PDGFC: variants seen among roughly 807,000 people sequenced by gnomAD.
PDGFC encodes platelet-derived growth factor C.
In PDGFC, 12 loss-of-function variants were observed where a neutral mutation model predicts 35.5. The observed-to-expected ratio is 0.34, with a 90% CI of 0.22 to 0.55. The LOEUF (loss-of-function observed/expected upper bound fraction) is 0.55, where lower values mean the gene tolerates loss of function less well. PDGFC is among the 20% of genes least tolerant of loss of function. The pLI, the probability that PDGFC is intolerant of heterozygous loss-of-function variation, is 0.91. For missense variants in PDGFC, 322 were observed against 412.4 expected (o/e 0.78, Z 1.90); for synonymous variants, 159 against 148.8 (o/e 1.07, Z -0.50).
chr4:156,821,035 T>TC (rs1488405784), intron 2 of PDGFC, among the ~76,000 whole-genome samples: 1 of 152,096 alleles, frequency 6.6e-6, no homozygotes, highest in African/African-American at 2.4e-5. Flanking sequence ...AATAATAGAT[T>TC]CCCATGAGAA....
At chr4:156,898,579 AT>A (rs1730690040) in intron 1 of PDGFC, among the ~76,000 whole-genome samples, 1 of 152,116 alleles carries the variant, frequency 6.6e-6, no homozygotes, top group Non-Finnish European at 1.5e-5. Context: ...AGGAAGAGGC[AT>A]TTGTCCTCTT....
intron 2 of PDGFC, among the ~76,000 whole-genome samples, chr4:156,815,618 C>G (rs2110959878): frequency 6.6e-6 from 1 of 152,088 alleles, no homozygotes; most frequent in South Asian, 2.1e-4. Flanking sequence ...TATCTGTGGG[C>G]CATAGCCAAA....
At chr4:156,882,176 T>A (rs1296366517) in intron 1 of PDGFC, among the ~76,000 whole-genome samples, 6 of 152,144 alleles carry the variant, frequency 3.9e-5, no homozygotes, top group African/African-American at 1.4e-4. Context: ...ACTAAAACAA[T>A]ACATTGTTAA....
intron 2 of PDGFC, among the ~76,000 whole-genome samples, chr4:156,818,201 T>A (rs866815859): frequency 5.3e-5 from 8 of 150,950 alleles, no homozygotes; most frequent in South Asian, 2.1e-4. Flanking sequence ...CAAATATAAT[T>A]TGATTAAAAG....
chr4:156,959,463 T>C (rs538148061), intron 1 of PDGFC, among the ~76,000 whole-genome samples: 1 of 152,096 alleles, frequency 6.6e-6, no homozygotes, highest in African/African-American at 2.4e-5. Flanking sequence ...CCCTTTATTT[T>C]GTTTAAGAGT....
chr4:156,834,749 T>C (rs1729022580), intron 2 of PDGFC, among the ~76,000 whole-genome samples: 1 of 152,160 alleles, frequency 6.6e-6, no homozygotes, highest in Non-Finnish European at 1.5e-5. Context: ...GAGGAATAAC[T>C]GTTTTTGGGG....
At chr4:156,929,481 TA>T (rs1275436259) in intron 1 of PDGFC, among the ~76,000 whole-genome samples, 9 of 143,014 alleles carry the variant, frequency 6.3e-5, no homozygotes, top group Admixed American at 5.5e-4. Flanking sequence ...AAAAGGCCAA[TA>T]AAAAAAACAG....
At chr4:156,869,392 C>A (rs926597117) in intron 1 of PDGFC, among the ~76,000 whole-genome samples, 1 of 151,676 alleles carries the variant, frequency 6.6e-6, no homozygotes, top group Admixed American at 6.6e-5. Context: ...GCCCAGATTG[C>A]GCCACTGCAC....
At chr4:156,773,923 G>A (rs1416226380) in intron 3 of PDGFC, among the ~76,000 whole-genome samples, 2 of 152,040 alleles carry the variant, frequency 1.3e-5, no homozygotes, top group East Asian at 1.9e-4. Context: ...CTAACACATC[G>A]GCTCTTCCTT....
In PDGFC at chr4:156,762,925, A is replaced by C; in HGVS notation, c.*165T>G. Reference sequence around the variant, plus strand: ...CAAAAGAGCTGTTGCACAACTCCTAATTCTGTTTGATGTCTCCTCTTTCAG... The same window carrying C: ...CAAAAGAGCTGTTGCACAACTCCTACTTCTGTTTGATGTCTCCTCTTTCAG... On this transcript the variant is annotated 3_prime_UTR_variant, in exon 6 of 6. Coordinates refer to ENST00000502773, the MANE Select transcript of PDGFC (RefSeq NM_016205.3). 5.4e-6 allele frequency: 3 copies of C among 552,266 alleles called. No individual in the cohort carries two copies. The highest frequency in any genetic ancestry group is 9.9e-6 in the Non-Finnish European group (3 of 303,614). The allele number at this position is 552,266 out of a possible 1,614,324, so 34.2% of individuals were successfully genotyped here.
chr4:156,777,760 A>G (rs1183178656), intron 3 of PDGFC, among the ~76,000 whole-genome samples: 1 of 152,184 alleles, frequency 6.6e-6, no homozygotes, highest in Non-Finnish European at 1.5e-5. Context: ...ACAAAGGATA[A>G]TATTACACCA....
At chr4:156,821,035 T>G (rs1732238630) in intron 2 of PDGFC, among the ~76,000 whole-genome samples, 1 of 152,096 alleles carries the variant, frequency 6.6e-6, no homozygotes, top group Non-Finnish European at 1.5e-5. Context: ...AATAATAGAT[T>G]CCCATGAGAA....
intron 2 of PDGFC, among the ~76,000 whole-genome samples, chr4:156,816,097 A>G (rs1259033283): frequency 6.6e-6 from 1 of 152,188 alleles, no homozygotes; most frequent in Non-Finnish European, 1.5e-5. Flanking sequence ...TTCATTAGTA[A>G]ACATAATTGT....
At chr4:156,924,385 C>T (rs1440260259) in intron 1 of PDGFC, among the ~76,000 whole-genome samples, 2 of 151,954 alleles carry the variant, frequency 1.3e-5, no homozygotes, top group African/African-American at 4.8e-5. Flanking sequence ...AGAAAAATAC[C>T]CTGCTTTCCT....
intron 2 of PDGFC, among the ~76,000 whole-genome samples, chr4:156,827,109 A>T (rs1728783530): frequency 6.6e-6 from 1 of 152,194 alleles, no homozygotes; most frequent in African/African-American, 2.4e-5. Flanking sequence ...TTCATTATTC[A>T]AAATTTGCCT....
chr4:156,855,202 G>T (rs959534705), intron 1 of PDGFC, among the ~76,000 whole-genome samples: 1 of 151,958 alleles, frequency 6.6e-6, no homozygotes, highest in African/African-American at 2.4e-5. Context: ...CATACTCTTG[G>T]TTCCTTTAAA....
chr4:156,829,574 C>T (rs761174741), intron 2 of PDGFC, among the ~76,000 whole-genome samples: 11 of 152,118 alleles, frequency 7.2e-5, no homozygotes, highest in Admixed American at 3.3e-4. Flanking sequence ...GTTAAAATTA[C>T]CCCTTCAAAG....
intron 1 of PDGFC, among the ~76,000 whole-genome samples, chr4:156,908,609 T>C (rs1041263751): frequency 1.3e-5 from 2 of 152,176 alleles, no homozygotes; most frequent in Non-Finnish European, 2.9e-5. Context: ...GATGATATCT[T>C]ACCTCTGCTT....
At chr4:156,904,132 G>T (rs1301807466) in intron 1 of PDGFC, among the ~76,000 whole-genome samples, 2 of 152,110 alleles carry the variant, frequency 1.3e-5, no homozygotes, top group Non-Finnish European at 2.9e-5. Flanking sequence ...ATTAAGTTGG[G>T]ATTGAAATGG....
Sources: allele counts gnomAD v4.1 joint callset (sites outside exome capture counted in the v4.1 genomes callset), GRCh38; gene constraint gnomAD v4.1.1; transcripts MANE v1.5; gene names NCBI Gene and HGNC (gene_info 2026-07-23, HGNC 2026-07-21).